The following GNAQ variants were observed in gnomAD, a reference collection of about 807,000 sequenced individuals.
GNAQ encodes the protein G protein subunit alpha q.
A neutral mutation model predicts 43.9 loss-of-function variants in GNAQ; 8 were observed. The ratio of observed to expected loss-of-function variants is 0.18; its 90% CI spans 0.11 to 0.33. The LOEUF is 0.33. Ranked by LOEUF, GNAQ falls within the 10% of genes least tolerant of loss-of-function variation. GNAQ has a pLI of 1.00. For synonymous variants in GNAQ, 155 were observed against 170.7 expected (o/e 0.91, Z 0.71); for missense variants, 158 against 450.8 (o/e 0.35, Z 5.88).
At chr9:77,744,144 G>A (rs780879826) in intron 5 of GNAQ, among the ~76,000 whole-genome samples, 1 of 152,204 alleles carries the variant, frequency 6.6e-6, no homozygotes, top group Non-Finnish European at 1.5e-5. Flanking sequence ...TATAGTTACT[G>A]TAGTGAAGGA....
At chr9:77,859,418 T>C (rs764408379) in intron 2 of GNAQ, among the ~76,000 whole-genome samples, 4 of 152,212 alleles carry the variant, frequency 2.6e-5, no homozygotes, top group Non-Finnish European at 4.4e-5. Flanking sequence ...CAATCCTACA[T>C]TTAGATCCAC....
At chr9:78,007,228 T>C (rs1204014655) in intron 1 of GNAQ, among the ~76,000 whole-genome samples, 1 of 151,450 alleles carries the variant, frequency 6.6e-6, no homozygotes, top group African/African-American at 2.4e-5. Flanking sequence ...GATACTAATA[T>C]TTGTCCCTTA....
chr9:77,797,259 C>T (rs148313064), intron 4 of GNAQ, among the ~76,000 whole-genome samples: 1,850 of 152,282 alleles, frequency 0.012, 36 homozygotes, highest in African/African-American at 0.041. Flanking sequence ...TCTCAAACTC[C>T]TGACTTCAGG....
chr9:77,824,846 T>C (rs1311932997), intron 2 of GNAQ, among the ~76,000 whole-genome samples: 1 of 152,238 alleles, frequency 6.6e-6, no homozygotes, highest in African/African-American at 2.4e-5. Flanking sequence ...GATTAATTGC[T>C]ATTGCTTCAT....
chr9:77,816,313 T>C (rs982768819), intron 2 of GNAQ, among the ~76,000 whole-genome samples: 11 of 152,142 alleles, frequency 7.2e-5, no homozygotes, highest in African/African-American at 2.4e-4. Context: ...TAATTTAATC[T>C]GGACAACAAT....
intron 2 of GNAQ, among the ~76,000 whole-genome samples, chr9:77,861,345 T>C (rs1178247333): frequency 6.6e-6 from 1 of 152,156 alleles, no homozygotes; most frequent in Admixed American, 6.5e-5. Flanking sequence ...CAAACCATTA[T>C]TATTCTGCCC....
chr9:78,012,761 A>T (rs1823789569), intron 1 of GNAQ, among the ~76,000 whole-genome samples: 1 of 152,222 alleles, frequency 6.6e-6, no homozygotes, highest in South Asian at 2.1e-4. Context: ...AAACAGAATA[A>T]GTGATAAATG....
intron 1 of GNAQ, among the ~76,000 whole-genome samples, chr9:77,975,780 C>T (rs1274795171): frequency 2.6e-5 from 4 of 152,126 alleles, no homozygotes; most frequent in Non-Finnish European, 4.4e-5. Context: ...TCATGATCCA[C>T]CCGCCTCAGC....
At chr9:77,817,974 A>AAGAAGCTACTTTCTTTG (rs1285010456) in intron 2 of GNAQ, among the ~76,000 whole-genome samples, 3 of 152,200 alleles carry the variant, frequency 2.0e-5, no homozygotes, top group Non-Finnish European at 4.4e-5. Flanking sequence ...TCACAGTTAA[A>AAGAAGCTACTTTCTTTG]AGAAGCTACT....
chr9:77,727,214 C>T (rs977248605), intron 6 of GNAQ, among the ~76,000 whole-genome samples: 6 of 151,662 alleles, frequency 4.0e-5, no homozygotes, highest in South Asian at 2.1e-4. Context: ...ATAGAGGTCT[C>T]GTTACATTGC....
intron 2 of GNAQ, among the ~76,000 whole-genome samples, chr9:77,896,592 A>G (rs371257033): frequency 6.6e-6 from 1 of 152,214 alleles, no homozygotes; most frequent in African/African-American, 2.4e-5. Context: ...CCTGGTCCAT[A>G]TTCACATTTC....
chr9:77,937,925 A>G (rs1829256415), intron 1 of GNAQ, among the ~76,000 whole-genome samples: 1 of 152,186 alleles, frequency 6.6e-6, no homozygotes, highest in South Asian at 2.1e-4. Flanking sequence ...TTAAAAAAAG[A>G]TAGAAGAGCT....
intron 2 of GNAQ, among the ~76,000 whole-genome samples, chr9:77,872,833 A>G (rs1381714051): frequency 6.6e-6 from 1 of 152,178 alleles, no homozygotes; most frequent in Non-Finnish European, 1.5e-5. Context: ...ACACATAGAA[A>G]CCAACACAAT....
intron 3 of GNAQ, among the ~76,000 whole-genome samples, chr9:77,814,195 A>C (rs1449429254): frequency 1.3e-5 from 2 of 152,168 alleles, no homozygotes; most frequent in African/African-American, 4.8e-5. Flanking sequence ...CAAGAGCTGA[A>C]TGCATCTTTT....
At chr9:77,869,940 T>C (rs1051220838) in intron 2 of GNAQ, among the ~76,000 whole-genome samples, 2 of 152,228 alleles carry the variant, frequency 1.3e-5, no homozygotes, top group African/African-American at 2.4e-5. Context: ...AAATTCATAA[T>C]GTTTATATCT....
At chr9:77,861,194 A>T (rs900098126) in intron 2 of GNAQ, among the ~76,000 whole-genome samples, 1 of 152,198 alleles carries the variant, frequency 6.6e-6, no homozygotes, top group Non-Finnish European at 1.5e-5. Context: ...TCCAGTGTTT[A>T]CAACCATCAG....
intron 1 of GNAQ, among the ~76,000 whole-genome samples, chr9:77,982,950 TA>T (rs974562833): frequency 1.3e-5 from 2 of 151,852 alleles, no homozygotes; most frequent in Admixed American, 6.6e-5. Flanking sequence ...AGTATAATAA[TA>T]AAAAAATAAA....
chr9:77,724,943 T>G (rs1035708972), intron 6 of GNAQ, among the ~76,000 whole-genome samples: 1 of 152,160 alleles, frequency 6.6e-6, no homozygotes, highest in Non-Finnish European at 1.5e-5. Context: ...TAATAAAAAC[T>G]ATTCAAAACC....
At chr9:77,932,523 C>T (rs993683316) in intron 1 of GNAQ, among the ~76,000 whole-genome samples, 10 of 152,070 alleles carry the variant, frequency 6.6e-5, no homozygotes, top group Admixed American at 3.9e-4. Flanking sequence ...TTCAAGAACC[C>T]GCAACAAGAA....
Sources: gnomAD v4.1 joint callset for allele counts (sites outside exome capture counted in the v4.1 genomes callset) on GRCh38, gnomAD v4.1.1 for gene constraint, MANE v1.5 for transcripts, NCBI Gene and HGNC (gene_info 2026-07-23, HGNC 2026-07-21) for gene names.